Variants in FGF12 observed in about 807,000 individuals in gnomAD.
FGF12 encodes fibroblast growth factor 12B.
In FGF12, 14 loss-of-function variants were observed where a neutral mutation model predicts 23.6. The observed-to-expected ratio is 0.59, with a 90% confidence interval of 0.39 to 0.93. FGF12 has a LOEUF of 0.93. Among genes scored for constraint, FGF12 ranks in the 40% least tolerant of loss-of-function variants. The pLI is 0.00. For synonymous variants in FGF12, 62 were observed against 77.3 expected, an observed-to-expected ratio of 0.80 and a Z score of 1.04; for missense variants, 175 against 217.8, an observed-to-expected ratio of 0.80 and a Z score of 1.24.
rs55809400 is a variant in FGF12 at position 192,645,767 on chromosome 3, T to TAA, written c.13+81412_13+81413dup. 1.3e-3 allele frequency among the ~76,000 whole-genome samples: 89 copies of TAA among 71,062 alleles called. 2 individuals are homozygous for TAA. The highest frequency in any genetic ancestry group is 3.5e-3 in the African/African-American group (69 of 19,786). 46.6% of individuals were successfully genotyped at this position (71,062 alleles called of 152,430 possible). Reference sequence around the variant, plus strand: ...AGGATACAGCAGTTGACAAAACAGGTAAAAAAAAAAAAAAAAAAAAAAAAA... The same window carrying TAA: ...AGGATACAGCAGTTGACAAAACAGGTAAAAAAAAAAAAAAAAAAAAAAAAAAA... On this transcript the variant is annotated intron_variant, in intron 2 of 5. Transcript: ENST00000445105.
intron 2 of FGF12, among the ~76,000 whole-genome samples, chr3:192,639,977 A>AC (rs1715729235): frequency 1.3e-5 from 2 of 152,278 alleles, no homozygotes; most frequent in African/African-American, 4.8e-5. Flanking sequence ...CAGAAAGAAA[A>AC]ATATTGCCTA....
At chr3:192,248,349 C>T (rs1262133327) in intron 4 of FGF12, among the ~76,000 whole-genome samples, 1 of 152,182 alleles carries the variant, frequency 6.6e-6, no homozygotes, top group South Asian at 2.1e-4. Context: ...ATTCTCCATG[C>T]AGCTGCTTTC....
chr3:192,601,950 T>G (rs1482169456), intron 2 of FGF12, among the ~76,000 whole-genome samples: 1 of 152,172 alleles, frequency 6.6e-6, no homozygotes, highest in Non-Finnish European at 1.5e-5. Flanking sequence ...CACAGTTGGT[T>G]GAATCCACAG....
At chr3:192,257,417 T>C (rs1384670874) in intron 4 of FGF12, among the ~76,000 whole-genome samples, 1 of 152,150 alleles carries the variant, frequency 6.6e-6, no homozygotes, top group Non-Finnish European at 1.5e-5. Context: ...CTCTAATCCC[T>C]ATATCAGTTG....
At chr3:192,725,419 C>T (rs1719179795) in intron 2 of FGF12, among the ~76,000 whole-genome samples, 1 of 151,984 alleles carries the variant, frequency 6.6e-6, no homozygotes, top group Middle Eastern at 3.2e-3. Context: ...TGACATAGAA[C>T]TTCTGAACTG....
intron 4 of FGF12, among the ~76,000 whole-genome samples, chr3:192,215,859 G>A (rs1005262735): frequency 3.3e-5 from 5 of 152,028 alleles, no homozygotes; most frequent in African/African-American, 7.3e-5. Flanking sequence ...CTCATCTAAC[G>A]TCCAGCTTTT....
chr3:192,394,115 C>G (rs1446651155), intron 2 of FGF12, among the ~76,000 whole-genome samples: 2 of 152,148 alleles, frequency 1.3e-5, no homozygotes, highest in Non-Finnish European at 2.9e-5. Context: ...CATGTGGTTC[C>G]TTTCCTGTCT....
At chr3:192,527,028 T>A (rs1425087906) in intron 2 of FGF12, among the ~76,000 whole-genome samples, 1 of 152,194 alleles carries the variant, frequency 6.6e-6, no homozygotes, top group Admixed American at 6.5e-5. Context: ...CAAAATTTCA[T>A]GTGTTAGAAA....
At chr3:192,186,861 C>T (rs971937873) in intron 4 of FGF12, among the ~76,000 whole-genome samples, 3 of 152,082 alleles carry the variant, frequency 2.0e-5, no homozygotes, top group Non-Finnish European at 4.4e-5. Context: ...TTTGGTTCCC[C>T]CTGAAATGTA....
intron 4 of FGF12, among the ~76,000 whole-genome samples, chr3:192,280,139 T>C (rs1046181315): frequency 5.9e-5 from 9 of 152,302 alleles, no homozygotes; most frequent in African/African-American, 2.2e-4. Flanking sequence ...GATGGGGTTA[T>C]ACATAGATTC....
chr3:192,402,477 G>C (rs115415709), intron 2 of FGF12, among the ~76,000 whole-genome samples: 2 of 152,146 alleles, frequency 1.3e-5, no homozygotes, highest in African/African-American at 4.8e-5. Context: ...ATGTAATCAC[G>C]TTCCACATTT....
intron 2 of FGF12, among the ~76,000 whole-genome samples, chr3:192,381,327 T>C (rs1406616989): frequency 1.3e-5 from 2 of 152,060 alleles, no homozygotes; most frequent in African/African-American, 2.4e-5. Context: ...ACGCACCAAA[T>C]AAGGTGCAAG....
At chr3:192,566,282 C>T (rs983149091) in intron 2 of FGF12, among the ~76,000 whole-genome samples, 1 of 152,224 alleles carries the variant, frequency 6.6e-6, no homozygotes, top group African/African-American at 2.4e-5. Context: ...CTCTCAATCA[C>T]TGCTCTGTAC....
intron 2 of FGF12, among the ~76,000 whole-genome samples, chr3:192,647,108 A>G (rs775691555): frequency 1.9e-4 from 29 of 152,186 alleles, no homozygotes; most frequent in Non-Finnish European, 1.3e-4. Context: ...TTACTTGGAA[A>G]GAAACTGAAA....
chr3:192,144,435 G>A (rs974027432), intron 5 of FGF12, among the ~76,000 whole-genome samples: 53 of 152,112 alleles, frequency 3.5e-4, no homozygotes, highest in Non-Finnish European at 6.5e-4. Flanking sequence ...AGAGTCAGAG[G>A]AGACATGGGA....
In FGF12 at chr3:192,409,346, C is replaced by T. The variant is rs1721103320; in HGVS notation, c.14-48808G>A. ...CACGCCTTTAACTGGAGCTCCCCGC[C>T]ATGGTCCACCCGGGGCCGCCGCACC... On this transcript the variant is annotated intron_variant, in intron 2 of 5. Coordinates refer to ENST00000445105, the MANE Select transcript of FGF12 (RefSeq NM_004113.6). This position sits in a 1 kb window ranked among gnomAD's most constrained non-coding sequence, Gnocchi z 4.8. Among the ~76,000 whole-genome samples the T allele has an allele frequency of 6.6e-6, 1 of 152,174 alleles. No homozygotes were observed. Among genetic ancestry groups the T allele is most frequent in the Non-Finnish European group, 1.5e-5 (1 of 68,016 alleles).
chr3:192,187,430 G>A (rs1005571877), intron 4 of FGF12, among the ~76,000 whole-genome samples: 2 of 152,146 alleles, frequency 1.3e-5, no homozygotes, highest in African/African-American at 4.8e-5. Context: ...CAGGTAGAAA[G>A]AGAAGGTTAA....
intron 2 of FGF12, among the ~76,000 whole-genome samples, chr3:192,545,903 A>AT (rs11401292): frequency 0.22 from 33,517 of 152,148 alleles, 3,983 homozygotes; most frequent in Middle Eastern, 0.41. Flanking sequence ...GATCTCAGAG[A>AT]TTTTGAAAAG....
intron 2 of FGF12, among the ~76,000 whole-genome samples, chr3:192,452,545 A>G (rs1374462454): frequency 6.6e-6 from 1 of 152,160 alleles, no homozygotes; most frequent in Non-Finnish European, 1.5e-5. Flanking sequence ...TTCCTCTTCT[A>G]CTTCCTGAAA....
Sources: gnomAD v4.1 joint callset for allele counts (sites outside exome capture counted in the v4.1 genomes callset) on GRCh38, gnomAD v4.1.1 for gene constraint, Gnocchi (gnomAD v3.1) non-coding constraint, MANE v1.5 for transcripts, NCBI Gene and HGNC (gene_info 2026-07-23, HGNC 2026-07-21) for gene names.